Variants in LRRIQ3 observed in about 807,000 individuals in gnomAD.
The protein encoded by LRRIQ3 is leucine-rich repeat and IQ domain-containing protein 3.
A neutral mutation model predicts 59.3 loss-of-function variants in LRRIQ3; 75 were observed. The ratio of observed to expected loss-of-function variants is 1.26; its 90% CI spans 1.05 to 1.53. The LOEUF is 1.53. LRRIQ3 is among the 40% of genes most tolerant of loss of function. The pLI is 0.00. For synonymous variants in LRRIQ3, 250 were observed against 231.3 expected (o/e 1.08, Z -0.73); for missense variants, 831 against 710.0 (o/e 1.17, Z -1.94).
chr1:74,080,168 C>CAA (rs200077678), intron 5 of LRRIQ3, among the ~76,000 whole-genome samples: 22 of 150,244 alleles, frequency 1.5e-4, no homozygotes, highest in Non-Finnish European at 1.5e-4. Context: ...ATATCACACA[C>CAA]AAAAAAAACC....
chr1:74,039,105 T>C (rs1213477851), intron 7 of LRRIQ3, among the ~76,000 whole-genome samples: 1 of 152,128 alleles, frequency 6.6e-6, no homozygotes, highest in Non-Finnish European at 1.5e-5. Flanking sequence ...AGGTGCTAAC[T>C]AGAATAACCA....
At chr1:74,073,465 C>T (rs1262177453) in intron 6 of LRRIQ3, among the ~76,000 whole-genome samples, 2 of 151,952 alleles carry the variant, frequency 1.3e-5, no homozygotes, top group Non-Finnish European at 2.9e-5. Flanking sequence ...GAGCCATAAT[C>T]ACTCCACTGC....
At chr1:74,186,732 C>T (rs1650403906) in intron 1 of LRRIQ3, among the ~76,000 whole-genome samples, 1 of 151,974 alleles carries the variant, frequency 6.6e-6, no homozygotes, top group Non-Finnish European at 1.5e-5. Flanking sequence ...TTACTTAATT[C>T]AATGCCTTTT....
chr1:74,075,155 G>T (rs1421165600), intron 5 of LRRIQ3, among the ~76,000 whole-genome samples: 1 of 152,072 alleles, frequency 6.6e-6, no homozygotes, highest in East Asian at 1.9e-4. Context: ...GAGTAATAAA[G>T]GGAGGTACAA....
chr1:74,060,861 G>A (rs1654703984), intron 6 of LRRIQ3, among the ~76,000 whole-genome samples: 1 of 152,062 alleles, frequency 6.6e-6, no homozygotes. Flanking sequence ...AGGAATCTGG[G>A]ACCTCTGCAT....
chr1:74,127,692 G>A (rs1457746709), intron 4 of LRRIQ3, among the ~76,000 whole-genome samples: 1 of 151,604 alleles, frequency 6.6e-6, no homozygotes, highest in Non-Finnish European at 1.5e-5. Flanking sequence ...AAAAGTTGTT[G>A]TAGTTATTAT....
At chr1:74,085,862 G>A (rs974102087) in intron 5 of LRRIQ3, among the ~76,000 whole-genome samples, 2 of 152,034 alleles carry the variant, frequency 1.3e-5, no homozygotes, top group Admixed American at 6.6e-5. Flanking sequence ...TTGATACATA[G>A]GCACTAAGAT....
intron 4 of LRRIQ3, among the ~76,000 whole-genome samples, chr1:74,125,005 A>AT (rs200162481): frequency 5.9e-5 from 9 of 151,482 alleles, no homozygotes; most frequent in South Asian, 2.1e-4. Context: ...ATGTATTTCC[A>AT]TTTTTTTTGT....
At chr1:74,110,557 A>G (rs1210577219) in intron 4 of LRRIQ3, among the ~76,000 whole-genome samples, 1 of 152,066 alleles carries the variant, frequency 6.6e-6, no homozygotes, top group African/African-American at 2.4e-5. Flanking sequence ...GTGATTTACC[A>G]AAAATCAGTA....
intron 7 of LRRIQ3, among the ~76,000 whole-genome samples, chr1:74,029,163 G>A (rs534133943): frequency 2.4e-4 from 37 of 152,146 alleles, no homozygotes; most frequent in African/African-American, 8.0e-4. Flanking sequence ...TCTGCAAACA[G>A]GGACAATTTG....
At chr1:74,149,667 C>T (rs1647800016) in intron 4 of LRRIQ3, among the ~76,000 whole-genome samples, 1 of 152,090 alleles carries the variant, frequency 6.6e-6, no homozygotes, top group Non-Finnish European at 1.5e-5. Flanking sequence ...TCATTCATTT[C>T]TGATACTACT....
At chr1:74,060,212 C>CTTCTTG (rs1654671600) in intron 6 of LRRIQ3, among the ~76,000 whole-genome samples, 1 of 34,986 alleles carries the variant, frequency 2.9e-5, no homozygotes, top group Admixed American at 3.8e-4. Flanking sequence ...TCTTCTTCTT[C>CTTCTTG]TTCTTCTTGT....
intron 3 of LRRIQ3, among the ~76,000 whole-genome samples, chr1:74,167,504 A>G (rs1649061741): frequency 6.6e-6 from 1 of 151,848 alleles, no homozygotes; most frequent in African/African-American, 2.4e-5. Context: ...CTGCACATGT[A>G]CCCCAGAACT....
At chr1:74,054,593 A>G (rs1654465830) in intron 6 of LRRIQ3, among the ~76,000 whole-genome samples, 1 of 151,974 alleles carries the variant, frequency 6.6e-6, no homozygotes, top group African/African-American at 2.4e-5. Context: ...ACTATATTAT[A>G]TGTGGTGTGG....
At chr1:74,089,056 A>C (rs2100512777) in intron 5 of LRRIQ3, among the ~76,000 whole-genome samples, 1 of 152,210 alleles carries the variant, frequency 6.6e-6, no homozygotes, top group African/African-American at 2.4e-5. Context: ...AAATACACAA[A>C]AAGATGCTGG....
chr1:74,188,337 A>G (rs1650542226), intron 1 of LRRIQ3, among the ~76,000 whole-genome samples: 1 of 152,174 alleles, frequency 6.6e-6, no homozygotes, highest in South Asian at 2.1e-4. Context: ...CACCTGGGTG[A>G]CTAAATCAAT....
At chr1:74,089,563 A>C (rs1553165320) in intron 5 of LRRIQ3, among the ~76,000 whole-genome samples, 1 of 152,098 alleles carries the variant, frequency 6.6e-6, no homozygotes, top group Non-Finnish European at 1.5e-5. Context: ...TCTTGAAAAC[A>C]TTATACTAAG....
chr1:74,130,621 C>T (rs1173910623), intron 4 of LRRIQ3, among the ~76,000 whole-genome samples: 5 of 151,720 alleles, frequency 3.3e-5, no homozygotes, highest in African/African-American at 4.8e-5. Flanking sequence ...TTTTTTGTGC[C>T]GATAGTTCTT....
intron 4 of LRRIQ3, among the ~76,000 whole-genome samples, chr1:74,121,181 T>C (rs1266068889): frequency 6.6e-6 from 1 of 152,168 alleles, no homozygotes; most frequent in Non-Finnish European, 1.5e-5. Context: ...TGTTCATTCA[T>C]TATTTTATTG....
Sources: gnomAD v4.1 joint callset for allele counts (sites outside exome capture counted in the v4.1 genomes callset) on GRCh38, gnomAD v4.1.1 for gene constraint, MANE v1.5 for transcripts, NCBI Gene and HGNC (gene_info 2026-07-23, HGNC 2026-07-21) for gene names.